Variants in SOX5 observed in about 807,000 individuals in gnomAD.
The protein encoded by SOX5 is transcription factor SOX-5.
Under a neutral mutation model 92.0 loss-of-function variants are expected in SOX5, and 9 were observed. The observed-to-expected ratio is 0.10, with a 90% CI of 0.06 to 0.17. SOX5 has a LOEUF of 0.17. Among genes scored for constraint, SOX5 ranks in the 10% least tolerant of loss-of-function variants. SOX5 has a pLI of 1.00. For missense variants in SOX5, 642 were observed against 944.5 expected (o/e 0.68, Z 4.20); for synonymous variants, 344 against 336.3 (o/e 1.02, Z -0.25).
chr12:24,264,340 T>A (rs997144789), intron 3 of SOX5, among the ~76,000 whole-genome samples: 1 of 152,134 alleles, frequency 6.6e-6, no homozygotes, highest in African/African-American at 2.4e-5. Flanking sequence ...TTTTAAAAAA[T>A]TTTTTCTTGC....
At chr12:24,469,587 GC>G (rs990013961) in intron 1 of SOX5, among the ~76,000 whole-genome samples, 33 of 152,036 alleles carry the variant, frequency 2.2e-4, no homozygotes, top group Non-Finnish European at 4.4e-4. Context: ...TTTCTATGAC[GC>G]CCCAGGCTAG....
At position 23,540,599 on chromosome 12, in the gene SOX5, T is replaced by C. The variant is rs761261160; in HGVS notation, c.1771+2612A>G. ...CATCTCCGTGGGGTCTGTAGTGAAT[T>C]TGCACATTTTACTCCAACTAAACTA... is the stretch of plus-strand genomic sequence containing the variant. On this transcript the variant is annotated intron_variant, in intron 13 of 14. Transcript: ENST00000451604. Among the ~76,000 whole-genome samples the C allele has an allele frequency of 1.8e-4, 28 of 152,242 alleles. No individual in the cohort carries two copies. In the South Asian group the frequency reaches 1.9e-3, roughly 10 times the overall value.
chr12:23,607,733 T>C (rs1029777440), intron 8 of SOX5, among the ~76,000 whole-genome samples: 1 of 152,168 alleles, frequency 6.6e-6, no homozygotes, highest in Non-Finnish European at 1.5e-5. Context: ...TAGTGACCAC[T>C]GGAAGGCCAC....
intron 3 of SOX5, among the ~76,000 whole-genome samples, chr12:23,781,609 A>C (rs1359602691): frequency 6.6e-6 from 1 of 152,066 alleles, no homozygotes; most frequent in East Asian, 1.9e-4. Context: ...AAAATATATT[A>C]GCCAAAGAAA....
chr12:24,141,233 T>G (rs1458910888), intron 4 of SOX5, among the ~76,000 whole-genome samples: 1 of 152,186 alleles, frequency 6.6e-6, no homozygotes, highest in African/African-American at 2.4e-5. Context: ...CATGATTTAG[T>G]CCAGGTTGCT....
chr12:23,757,787 G>A (rs2094439959), intron 3 of SOX5, among the ~76,000 whole-genome samples: 1 of 151,728 alleles, frequency 6.6e-6, no homozygotes, highest in African/African-American at 2.4e-5. Flanking sequence ...TGTCTGCAAA[G>A]TCCATGACAA....
intron 8 of SOX5, among the ~76,000 whole-genome samples, chr12:23,636,569 A>G (rs555465526): frequency 6.6e-6 from 1 of 152,316 alleles, no homozygotes; most frequent in African/African-American, 2.4e-5. Flanking sequence ...CATAAGTAGG[A>G]ATAGATTTAT....
At chr12:23,616,259 G>A (rs889146419) in intron 8 of SOX5, among the ~76,000 whole-genome samples, 2 of 152,222 alleles carry the variant, frequency 1.3e-5, no homozygotes, top group Non-Finnish European at 2.9e-5. Context: ...GAGCGGAAAG[G>A]GACAGGGGTA....
intron 2 of SOX5, among the ~76,000 whole-genome samples, chr12:23,871,771 G>A (rs988918141): frequency 6.6e-6 from 1 of 151,926 alleles, no homozygotes; most frequent in Admixed American, 6.5e-5. Flanking sequence ...ATGTTCACTT[G>A]TTTTCTGTTT....
At chr12:24,347,117 T>C (rs1479834826) in intron 2 of SOX5, among the ~76,000 whole-genome samples, 2 of 152,168 alleles carry the variant, frequency 1.3e-5, no homozygotes, top group Non-Finnish European at 2.9e-5. Flanking sequence ...TTCAGCAATC[T>C]AGGATAGAAA....
At chr12:24,278,404 AATTATC>A (rs977089690) in intron 2 of SOX5, among the ~76,000 whole-genome samples, 5 of 152,094 alleles carry the variant, frequency 3.3e-5, no homozygotes, top group Non-Finnish European at 5.9e-5. Flanking sequence ...CAAAGAGAAA[AATTATC>A]ATTAAAAACT....
chr12:24,102,711 G>T lies in SOX5; in HGVS notation c.-2+110632C>A, dbSNP rs150127019. On this transcript the variant is annotated intron_variant, in intron 4 of 4. Transcript: ENST00000446891. ...CATTAAAGTCTTCTCAATTTATGTGGACTCTCATTTGACAATTTCCTATCT... is the reference window on the plus strand; with the variant it reads ...CATTAAAGTCTTCTCAATTTATGTGTACTCTCATTTGACAATTTCCTATCT... Among the ~76,000 whole-genome samples, 72 of 152,282 alleles carry T rather than the reference G, an allele frequency of 4.7e-4. No homozygotes were observed. The East Asian group carries it at 0.013, about 27-fold the overall frequency.
chr12:23,812,998 G>A (rs2095905528), intron 3 of SOX5, among the ~76,000 whole-genome samples: 1 of 152,132 alleles, frequency 6.6e-6, no homozygotes, highest in African/African-American at 2.4e-5. Context: ...CACATTCAGT[G>A]CTGTCTAAAC....
intron 3 of SOX5, among the ~76,000 whole-genome samples, chr12:23,795,159 T>C (rs938489106): frequency 6.6e-6 from 1 of 151,938 alleles, no homozygotes; most frequent in Non-Finnish European, 1.5e-5. Flanking sequence ...TAGAACAGAG[T>C]AGCCCTTTGA....
intron 4 of SOX5, among the ~76,000 whole-genome samples, chr12:23,961,769 C>A (rs939561734): frequency 6.6e-6 from 1 of 152,096 alleles, no homozygotes; most frequent in Non-Finnish European, 1.5e-5. Flanking sequence ...CACTCTTTAC[C>A]AGAAGAAAAA....
intron 4 of SOX5, among the ~76,000 whole-genome samples, chr12:24,128,346 C>T (rs1271303749): frequency 6.6e-6 from 1 of 152,164 alleles, no homozygotes; most frequent in Non-Finnish European, 1.5e-5. Context: ...CAGGCATTAA[C>T]CTTTACTCCT....
At chr12:23,632,460 A>T (rs1356073685) in intron 8 of SOX5, among the ~76,000 whole-genome samples, 1 of 152,096 alleles carries the variant, frequency 6.6e-6, no homozygotes, top group African/African-American at 2.4e-5. Flanking sequence ...CAAGATAAAA[A>T]TCCTCACATC....
chr12:24,524,750 T>G (rs751491042), intron 1 of SOX5, among the ~76,000 whole-genome samples: 16 of 152,048 alleles, frequency 1.1e-4, no homozygotes, highest in Non-Finnish European at 2.1e-4. Context: ...CTATAAAAAA[T>G]AGTACATCAT....
At chr12:24,351,956 T>C (rs1459146247) in intron 2 of SOX5, among the ~76,000 whole-genome samples, 1 of 152,238 alleles carries the variant, frequency 6.6e-6, no homozygotes, top group Non-Finnish European at 1.5e-5. Context: ...TTACAGCTCT[T>C]TCAACTTTGT....
Sources: gnomAD v4.1 joint callset for allele counts (sites outside exome capture counted in the v4.1 genomes callset) on GRCh38, gnomAD v4.1.1 for gene constraint, MANE v1.5 for transcripts, NCBI Gene and HGNC (gene_info 2026-07-23, HGNC 2026-07-21) for gene names.